The following HDAC9 variants were observed in gnomAD, a reference collection of about 807,000 sequenced individuals.
HDAC9 encodes histone deacetylase 9.
A neutral mutation model predicts 139.4 loss-of-function variants in HDAC9; 41 were observed. The observed-to-expected ratio is 0.29, with a 90% confidence interval of 0.23 to 0.38. The LOEUF is 0.38. Among genes scored for constraint, HDAC9 ranks in the 10% least tolerant of loss-of-function variants. HDAC9 has a pLI of 1.00. For missense variants in HDAC9, 1,147 were observed against 1,297.0 expected (o/e 0.88, Z 1.78); for synonymous variants, 517 against 476.2 (o/e 1.09, Z -1.12).
intron 21 of HDAC9, among the ~76,000 whole-genome samples, chr7:18,840,868 C>G (rs539707040): frequency 6.6e-6 from 1 of 152,228 alleles, no homozygotes; most frequent in African/African-American, 2.4e-5. Flanking sequence ...GATGCTGAGT[C>G]TTTAATATAA....
At chr7:18,753,596 A>T (rs1489043092) in intron 14 of HDAC9, among the ~76,000 whole-genome samples, 3 of 152,286 alleles carry the variant, frequency 2.0e-5, no homozygotes, top group Middle Eastern at 3.4e-3. Flanking sequence ...AATAGAAGAG[A>T]TAGCACTTTG....
rs116417030 is a variant in HDAC9, at chr7:18,601,734, G to A, written c.664+7705G>A. ...TCTGTATCAACTGATATAATCGTAC[G>A]ATTTTTTAAAAAGCCATTTGATGTG... On this transcript the variant is annotated intron_variant, in intron 6 of 25. Coordinates refer to ENST00000686413, the MANE Select transcript of HDAC9 (RefSeq NM_178425.4). Among the ~76,000 whole-genome samples the A allele has an allele frequency of 9.1e-3, 1,386 of 152,158 alleles. 22 individuals are homozygous for A. Among genetic ancestry groups the A allele is most frequent in the African/African-American group, 0.032 (1,312 of 41,514 alleles).
At chr7:18,398,271 A>G (rs1167781062) in intron 1 of HDAC9, among the ~76,000 whole-genome samples, 1 of 152,226 alleles carries the variant, frequency 6.6e-6, no homozygotes, top group Non-Finnish European at 1.5e-5. Context: ...GCATGATTTA[A>G]TAATGAACAA....
At chr7:18,787,414 G>T (rs991911947) in intron 16 of HDAC9, among the ~76,000 whole-genome samples, 1 of 152,166 alleles carries the variant, frequency 6.6e-6, no homozygotes, top group South Asian at 2.1e-4. Context: ...TGAACTTTGG[G>T]ATGCCTATTT....
intron 21 of HDAC9, among the ~76,000 whole-genome samples, chr7:18,866,501 C>A (rs1036808592): frequency 6.6e-6 from 1 of 152,140 alleles, no homozygotes; most frequent in South Asian, 2.1e-4. Context: ...CCTCAGTACA[C>A]TGTGTGTGCC....
At chr7:18,728,402 AACACACACACACACACACACAC>A (rs56281287) in intron 13 of HDAC9, among the ~76,000 whole-genome samples, 4 of 145,550 alleles carry the variant, frequency 2.7e-5, no homozygotes, top group African/African-American at 7.6e-5. Context: ...TTAAGTGTGG[AACACACACACACACACACACAC>A]ACACACACAC....
At chr7:18,629,783 G>T (rs756134034) in intron 7 of HDAC9, among the ~76,000 whole-genome samples, 1 of 152,130 alleles carries the variant, frequency 6.6e-6, no homozygotes, top group Admixed American at 6.6e-5. Flanking sequence ...CCAACCAGGA[G>T]AATATAATTT....
intron 1 of HDAC9, among the ~76,000 whole-genome samples, chr7:18,479,675 A>G (rs1226962430): frequency 1.3e-5 from 2 of 152,122 alleles, no homozygotes; most frequent in African/African-American, 4.8e-5. Flanking sequence ...ATTAACACTA[A>G]ATATTGATTT....
chr7:18,161,024 A>C (rs1030830748), intron 1 of HDAC9, among the ~76,000 whole-genome samples: 2 of 152,210 alleles, frequency 1.3e-5, no homozygotes, highest in Non-Finnish European at 2.9e-5. Flanking sequence ...TCTCATTGAC[A>C]CAGAAATCAA....
At chr7:18,844,093 C>T (rs899344270) in intron 21 of HDAC9, among the ~76,000 whole-genome samples, 3 of 152,204 alleles carry the variant, frequency 2.0e-5, no homozygotes, top group African/African-American at 7.2e-5. Flanking sequence ...ACTTATAAAT[C>T]AACATCTGTT....
intron 17 of HDAC9, among the ~76,000 whole-genome samples, chr7:18,816,757 C>A (rs111831682): frequency 6.6e-6 from 1 of 152,190 alleles, no homozygotes; most frequent in Non-Finnish European, 1.5e-5. Context: ...CAATTTTTAA[C>A]GTACCAGTGA....
At chr7:18,146,891 T>A (rs1294583354) in intron 1 of HDAC9, among the ~76,000 whole-genome samples, 2 of 152,150 alleles carry the variant, frequency 1.3e-5, no homozygotes, top group Non-Finnish European at 2.9e-5. Flanking sequence ...AGACAGACAT[T>A]GTCCCTTAAA....
intron 1 of HDAC9, among the ~76,000 whole-genome samples, chr7:18,332,191 T>G (rs1026957769): frequency 4.0e-5 from 6 of 151,782 alleles, no homozygotes; most frequent in African/African-American, 1.4e-4. Flanking sequence ...ATTTAGAGAT[T>G]TTCAAACTAA....
intron 2 of HDAC9, among the ~76,000 whole-genome samples, chr7:18,510,405 G>A (rs1026362735): frequency 6.6e-6 from 1 of 152,054 alleles, no homozygotes; most frequent in Non-Finnish European, 1.5e-5. Flanking sequence ...ATTTAGTTGT[G>A]AAAATGATTA....
intron 1 of HDAC9, among the ~76,000 whole-genome samples, chr7:18,319,607 T>G (rs1192843152): frequency 1.3e-5 from 2 of 152,254 alleles, no homozygotes; most frequent in Admixed American, 6.5e-5. Flanking sequence ...CTTTCTTTTT[T>G]GACTTTTAAA....
intron 22 of HDAC9, among the ~76,000 whole-genome samples, chr7:18,894,502 A>G (rs923298107): frequency 6.6e-6 from 1 of 152,114 alleles, no homozygotes; most frequent in Non-Finnish European, 1.5e-5. Flanking sequence ...TAGATTCAGT[A>G]ACATGCAGGC....
At chr7:18,408,632 T>A (rs1788241938) in intron 1 of HDAC9, among the ~76,000 whole-genome samples, 3 of 152,208 alleles carry the variant, frequency 2.0e-5, no homozygotes, top group Non-Finnish European at 4.4e-5. Flanking sequence ...GGGCCGTTTA[T>A]GAAATTTACA....
At chr7:18,951,754 AAT>A (rs1401329394) in intron 23 of HDAC9, among the ~76,000 whole-genome samples, 12 of 151,810 alleles carry the variant, frequency 7.9e-5, no homozygotes, top group African/African-American at 2.9e-4. Context: ...ATGAATATTT[AAT>A]ATTATTTTAT....
At chr7:18,267,753 A>G (rs1796094156) in intron 2 of HDAC9, among the ~76,000 whole-genome samples, 1 of 152,138 alleles carries the variant, frequency 6.6e-6, no homozygotes, top group Admixed American at 6.6e-5. Context: ...GCTGCAGTGA[A>G]CATGGCAGTG....
Sources: allele counts gnomAD v4.1 joint callset (sites outside exome capture counted in the v4.1 genomes callset), GRCh38; gene constraint gnomAD v4.1.1; transcripts MANE v1.5; gene names NCBI Gene and HGNC (gene_info 2026-07-23, HGNC 2026-07-21).